The following SNTG2 variants were observed in gnomAD, a reference collection of about 807,000 sequenced individuals.
SNTG2 encodes gamma-2-syntrophin.
Under a neutral mutation model 70.9 loss-of-function variants are expected in SNTG2, and 74 were observed. The ratio of observed to expected loss-of-function variants is 1.04; its 90% CI spans 0.86 to 1.27. The LOEUF is 1.27. Among genes scored for constraint, SNTG2 ranks in the 50% most tolerant of loss-of-function variants. The pLI, the probability that SNTG2 is intolerant of heterozygous loss-of-function variation, is 0.00. For synonymous variants in SNTG2, 278 were observed against 273.8 expected, an observed-to-expected ratio of 1.02 and a Z score of -0.15; for missense variants, 717 against 690.7, an observed-to-expected ratio of 1.04 and a Z score of -0.43.
chr2:1,169,051 G>T (rs531345896), intron 7 of SNTG2, among the ~76,000 whole-genome samples: 1 of 152,244 alleles, frequency 6.6e-6, no homozygotes, highest in East Asian at 1.9e-4. Flanking sequence ...GGTGTCAGAC[G>T]CACATCAGGA....
intron 16 of SNTG2, among the ~76,000 whole-genome samples, chr2:1,331,750 C>A (rs947310932): frequency 2.0e-5 from 3 of 152,178 alleles, no homozygotes; most frequent in Non-Finnish European, 2.9e-5. Flanking sequence ...GTGAAGTCAT[C>A]GTTTTCTTAT....
At chr2:1,306,705 T>TGTGTGTGTGTGA (rs1680690416) in intron 14 of SNTG2, among the ~76,000 whole-genome samples, 1 of 151,498 alleles carries the variant, frequency 6.6e-6, no homozygotes, top group South Asian at 2.1e-4. Context: ...TGTGTGTGTG[T>TGTGTGTGTGTGA]GTGTGCCATG....
chr2:1,247,591 T>C (rs903609828), intron 12 of SNTG2, 148 bp downstream of exon 12: 1 of 613,830 alleles, frequency 1.6e-6, no homozygotes, highest in Non-Finnish European at 2.9e-6. Context: ...GAAAGGATTC[T>C]GCTTGTAGAT....
At chr2:1,331,572 G>A (rs142708056) in intron 16 of SNTG2, among the ~76,000 whole-genome samples, 11 of 152,266 alleles carry the variant, frequency 7.2e-5, no homozygotes, top group African/African-American at 2.6e-4. Context: ...TATGAAGTTT[G>A]TGGGTCTGAG....
chr2:1,224,683 C>G (rs536055190), intron 9 of SNTG2, among the ~76,000 whole-genome samples: 1 of 152,238 alleles, frequency 6.6e-6, no homozygotes, highest in Admixed American at 6.5e-5. Context: ...TATCTGGAAA[C>G]GCAAAACTAT....
chr2:1,047,217 A>G (rs1661789117), intron 1 of SNTG2, among the ~76,000 whole-genome samples: 1 of 152,130 alleles, frequency 6.6e-6, no homozygotes, highest in South Asian at 2.1e-4. Context: ...GGTTCTTTTT[A>G]AAATGGGTAT....
intron 14 of SNTG2, among the ~76,000 whole-genome samples, chr2:1,284,591 T>C (rs979333728): frequency 2.0e-5 from 3 of 152,200 alleles, no homozygotes; most frequent in Non-Finnish European, 2.9e-5. Context: ...ATTGTTTTTT[T>C]AGTTTGCATA....
chr2:984,229 C>A (rs547765913), intron 1 of SNTG2, among the ~76,000 whole-genome samples: 37 of 151,412 alleles, frequency 2.4e-4, no homozygotes, highest in African/African-American at 9.0e-4. Flanking sequence ...TTTCGAACAG[C>A]CTTCCCACTT....
chr2:1,029,806 C>A (rs141575797), intron 1 of SNTG2, among the ~76,000 whole-genome samples: 2,454 of 152,284 alleles, frequency 0.016, 51 homozygotes, highest in Middle Eastern at 0.061. Flanking sequence ...TTTCCAGAAC[C>A]TTCAGTGGTG....
At chr2:1,355,452 G>T (rs1035398181) in intron 16 of SNTG2, among the ~76,000 whole-genome samples, 4 of 152,154 alleles carry the variant, frequency 2.6e-5, no homozygotes, top group Non-Finnish European at 4.4e-5. Context: ...TGTTTGTTCT[G>T]CTGTGACTGG....
intron 6 of SNTG2, among the ~76,000 whole-genome samples, chr2:1,159,683 CAG>C (rs1332198008): frequency 6.6e-6 from 1 of 151,994 alleles, no homozygotes; most frequent in East Asian, 1.9e-4. Flanking sequence ...GCAAGAGCAA[CAG>C]AGAAGCCCGC....
At chr2:1,103,391 A>ATTT in intron 4 of SNTG2, 3 of 234,104 alleles carry the variant, frequency 1.3e-5, no homozygotes, top group Non-Finnish European at 1.7e-5. Context: ...TTTTTTTTTT[A>ATTT]TTTTTTTTTT....
intron 13 of SNTG2, 70 bp from the exon 14 acceptor site, chr2:1,267,295 A>G: frequency 7.0e-7 from 1 of 1,436,174 alleles, no homozygotes; most frequent in Non-Finnish European, 9.6e-7. Context: ...CCTTCTCCCC[A>G]CACCAGGGCC....
intron 16 of SNTG2, among the ~76,000 whole-genome samples, chr2:1,326,751 T>C (rs1017325519): frequency 6.6e-6 from 1 of 152,206 alleles, no homozygotes; most frequent in African/African-American, 2.4e-5. Context: ...TAATAAAATC[T>C]TATAAACGAA....
intron 9 of SNTG2, among the ~76,000 whole-genome samples, chr2:1,233,616 G>A (rs1676408170): frequency 6.6e-6 from 1 of 152,236 alleles, no homozygotes; most frequent in Admixed American, 6.5e-5. Flanking sequence ...TCCTCCACAG[G>A]AGGTGGAGAC....
chr2:1,222,087 C>CTCTGTT (rs1675167854), intron 9 of SNTG2, among the ~76,000 whole-genome samples: 14 of 19,162 alleles, frequency 7.3e-4, no homozygotes, highest in Non-Finnish European at 1.0e-3. Context: ...CTGTCTCTGT[C>CTCTGTT]TCTCTCTGTC....
At chr2:1,313,532 C>T (rs991827000) in intron 15 of SNTG2, among the ~76,000 whole-genome samples, 2 of 152,216 alleles carry the variant, frequency 1.3e-5, no homozygotes, top group African/African-American at 4.8e-5. Flanking sequence ...AACTGTTACC[C>T]AGTCCACTTT....
At chr2:963,339 G>A (rs944984837) in intron 1 of SNTG2, among the ~76,000 whole-genome samples, 4 of 151,728 alleles carry the variant, frequency 2.6e-5, no homozygotes, top group Admixed American at 6.6e-5. Context: ...AGATAAGAAA[G>A]GCAGCATGCT....
intron 1 of SNTG2, among the ~76,000 whole-genome samples, chr2:1,058,655 A>G (rs970088486): frequency 6.6e-6 from 1 of 152,174 alleles, no homozygotes; most frequent in Non-Finnish European, 1.5e-5. Context: ...TGTCCCCCAC[A>G]TTGGGGACCT....
Sources: allele counts gnomAD v4.1 joint callset (sites outside exome capture counted in the v4.1 genomes callset), GRCh38; gene constraint gnomAD v4.1.1; transcripts MANE v1.5; gene names NCBI Gene and HGNC (gene_info 2026-07-23, HGNC 2026-07-21).